The following VPS26A variants were observed in gnomAD, a reference collection of about 807,000 sequenced individuals.
VPS26A encodes the protein VPS26 retromer complex component A, also known as vacuolar protein sorting-associated protein 26A.
Under a neutral mutation model 42.4 loss-of-function variants are expected in VPS26A, and 22 were observed. The observed-to-expected ratio is 0.52, with a 90% CI of 0.37 to 0.74. VPS26A has a LOEUF of 0.74. Among genes scored for constraint, VPS26A ranks in the 30% least tolerant of loss-of-function variants. The pLI, the probability that VPS26A is intolerant of heterozygous loss-of-function variation, is 0.00. For missense variants in VPS26A, 276 were observed against 379.2 expected (o/e 0.73, Z 2.26); for synonymous variants, 110 against 123.5 (o/e 0.89, Z 0.73).
chr10:69,153,442 C>A (rs1336200139), intron 2 of VPS26A, among the ~76,000 whole-genome samples: 1 of 151,712 alleles, frequency 6.6e-6, no homozygotes, highest in Non-Finnish European at 1.5e-5. Context: ...CTCCTAGGGT[C>A]AAAGGCTCCT....
At chr10:69,155,986 A>G in intron 3 of VPS26A, 99 bp downstream of exon 3, 1 of 852,290 alleles carries the variant, frequency 1.2e-6, no homozygotes, top group Non-Finnish European at 1.8e-6. Flanking sequence ...TTAGCTTTGT[A>G]GAAGGAAGGA....
intron 5 of VPS26A, among the ~76,000 whole-genome samples, chr10:69,160,648 C>T (rs1841539456): frequency 1.3e-5 from 2 of 152,070 alleles, no homozygotes; most frequent in South Asian, 4.1e-4. Context: ...GATGGGGTTT[C>T]ACCATGTTGG....
rs1841882147 is a variant in VPS26A at position 69,174,196 on chromosome 10, A to G, written c.*2927A>G. Among the ~76,000 whole-genome samples the G allele has an allele frequency of 1.4e-5, 2 of 138,570 alleles. No individual in the cohort carries two copies. Among genetic ancestry groups the G allele is most frequent in the South Asian group, 5.0e-4 (2 of 4,020 alleles). The allele number at this position is 138,570 out of a possible 152,430, so 90.9% of individuals were successfully genotyped here. On this transcript the variant is annotated 3_prime_UTR_variant, in exon 9 of 9. Transcript: ENST00000263559. ...GCCACATTTAAGAGCTGTAACACTC[A>G]AGGCGAAGGTCCACGGCTCCGTTAA...
At position 69,162,353 on chromosome 10, in the gene VPS26A, GT is replaced by G. The variant is rs1398491292; in HGVS notation, c.552-48del. ...AAAGTCTTTTAGGACATAGTTCACT[GT>G]TTTTGCTTGTTTTTAAACTGATATT... On this transcript the variant is annotated intron_variant, in intron 5 of 8. Transcript: ENST00000263559. 103 of 943,118 alleles carry G rather than the reference GT, an allele frequency of 1.1e-4. No individual in the cohort carries two copies. The Middle Eastern group carries it at 1.1e-3, about 10-fold the overall frequency. The allele number at this position is 943,118 out of a possible 1,614,324, so 58.4% of individuals were successfully genotyped here.
chr10:69,161,843 G>A (rs1841569264), intron 5 of VPS26A: 2 of 257,612 alleles, frequency 7.8e-6, no homozygotes, highest in East Asian at 9.5e-5. Context: ...GTGGTCTTCA[G>A]CACCTCTTGT....
At chr10:69,147,359 T>C (rs1296584430) in intron 2 of VPS26A, among the ~76,000 whole-genome samples, 1 of 152,210 alleles carries the variant, frequency 6.6e-6, no homozygotes, top group Non-Finnish European at 1.5e-5. Context: ...TTCTGAGTTC[T>C]CTTTCCACTT....
At position 69,166,068 on chromosome 10, in the gene VPS26A, ACAATCGC is replaced by A. The variant is rs1841681164; in HGVS notation, c.689_695del (p.Ile230AsnfsTer4). ...ACCCAGTACCACAACAGAAACAGAA[ACAATCGC>A]CAAATATGAAATAATGGATGGTGCA... On this transcript the variant is annotated frameshift_variant, in exon 7 of 9. Coordinates refer to ENST00000263559, the MANE Select transcript of VPS26A (RefSeq NM_004896.5). LOFTEE classifies it high-confidence loss of function. The A allele has an allele frequency of 6.2e-7, 1 of 1,614,098 alleles. No homozygotes were observed. Among genetic ancestry groups the A allele is most frequent in the Non-Finnish European group, 8.5e-7 (1 of 1,179,960 alleles).
At chr10:69,128,024 C>T (rs1840700067) in intron 1 of VPS26A, among the ~76,000 whole-genome samples, 1 of 151,840 alleles carries the variant, frequency 6.6e-6, no homozygotes, top group African/African-American at 2.4e-5. Flanking sequence ...TGAAATATTT[C>T]TTGCATCCAG....
intron 6 of VPS26A, among the ~76,000 whole-genome samples, chr10:69,163,193 T>G (rs1841601729): frequency 6.6e-6 from 1 of 152,226 alleles, no homozygotes; most frequent in African/African-American, 2.4e-5. Context: ...GTTTCCGGTC[T>G]TTTGCTATTA....
In VPS26A at chr10:69,174,104, C is replaced by A. The variant is rs1841880056; in HGVS notation, c.*2835C>A. On this transcript the variant is annotated 3_prime_UTR_variant, in exon 9 of 9. Coordinates refer to ENST00000263559, the MANE Select transcript of VPS26A (RefSeq NM_004896.5). ...GCGGCAACCGGCTCGGGTCCCCCTCCATACTGTGGAAGCTCTGTTCTTTCA... is the reference window on the plus strand; with the variant it reads ...GCGGCAACCGGCTCGGGTCCCCCTCAATACTGTGGAAGCTCTGTTCTTTCA... Among the ~76,000 whole-genome samples, 2 of 152,228 alleles carry A rather than the reference C, an allele frequency of 1.3e-5. No homozygotes were observed. The highest frequency in any genetic ancestry group is 4.1e-4 in the South Asian group (2 of 4,834).
chr10:69,161,594 T>A (rs1306670197), intron 5 of VPS26A: 2 of 256,094 alleles, frequency 7.8e-6, no homozygotes, highest in African/African-American at 4.5e-5. Context: ...AGTTCTTAAT[T>A]ACTGCACAAC....
At chr10:69,155,347 G>A (rs942662973) in intron 2 of VPS26A, among the ~76,000 whole-genome samples, 7 of 152,138 alleles carry the variant, frequency 4.6e-5, no homozygotes, top group Non-Finnish European at 1.0e-4. Context: ...AAATTTCTGA[G>A]CATTGTCCAT....
chr10:69,159,162 C>T (rs1437454771), intron 5 of VPS26A, among the ~76,000 whole-genome samples: 3 of 152,104 alleles, frequency 2.0e-5, no homozygotes, highest in African/African-American at 7.2e-5. Context: ...AGTTTGATCA[C>T]CTGAGGTCAG....
intron 1 of VPS26A, among the ~76,000 whole-genome samples, chr10:69,128,484 C>A (rs550205683): frequency 6.6e-6 from 1 of 151,952 alleles, no homozygotes; most frequent in Non-Finnish European, 1.5e-5. Flanking sequence ...CCTGCTTCGG[C>A]CTCCCAAACT....
chr10:69,142,132 C>T (rs900263939), intron 2 of VPS26A, among the ~76,000 whole-genome samples: 1 of 151,474 alleles, frequency 6.6e-6, no homozygotes, highest in Non-Finnish European at 1.5e-5. Flanking sequence ...ATCTGCCTGC[C>T]TCAGCCTCCC....
At chr10:69,135,658 G>A (rs920790888) in intron 2 of VPS26A, among the ~76,000 whole-genome samples, 3 of 152,160 alleles carry the variant, frequency 2.0e-5, no homozygotes, top group Non-Finnish European at 4.4e-5. Context: ...ACTATGGATA[G>A]CATGTTTTAA....
intron 2 of VPS26A, among the ~76,000 whole-genome samples, chr10:69,151,534 CT>C (rs759150157): frequency 4.6e-5 from 7 of 151,534 alleles, no homozygotes; most frequent in African/African-American, 9.7e-5. Flanking sequence ...TGCAGAATAG[CT>C]TTTAAACCAA....
At position 69,162,579 on chromosome 10, in the gene VPS26A, A is replaced by G. The variant is rs556553903; in HGVS notation, c.658+67A>G. 57 of 1,055,212 alleles carry G rather than the reference A, an allele frequency of 5.4e-5. No individual in the cohort carries two copies. In the African/African-American group the frequency reaches 9.0e-4, roughly 17 times the overall value. 65.4% of individuals were successfully genotyped at this position (1,055,212 alleles called of 1,614,324 possible). On this transcript the variant is annotated intron_variant, in intron 6 of 8. Coordinates refer to ENST00000263559, the MANE Select transcript of VPS26A (RefSeq NM_004896.5). The stretch of plus-strand genomic sequence containing the variant: ...GTTGACATTTTTAAAATCTTAAAAT[A>G]TTGTTTAAACATAATTTGATATCCA...
At chr10:69,129,506 T>C (rs1429809488) in intron 1 of VPS26A, among the ~76,000 whole-genome samples, 1 of 152,050 alleles carries the variant, frequency 6.6e-6, no homozygotes, top group Non-Finnish European at 1.5e-5. Flanking sequence ...GTTTGTTATT[T>C]GTAATTTTGC....
Sources: gnomAD v4.1 joint callset for allele counts (sites outside exome capture counted in the v4.1 genomes callset) on GRCh38, gnomAD v4.1.1 for gene constraint, MANE v1.5 for transcripts, NCBI Gene and HGNC (gene_info 2026-07-23, HGNC 2026-07-21) for gene names.